Variants in MPDZ observed in about 807,000 individuals in gnomAD.
MPDZ encodes multiple PDZ domain protein.
MPDZ carries 234 observed loss-of-function variants against 239.1 expected under a neutral mutation model. That is an observed-to-expected ratio of 0.98 (90% CI 0.88 to 1.09). The LOEUF (loss-of-function observed/expected upper bound fraction) is 1.09. Among genes scored for constraint, MPDZ ranks in the 50% least tolerant of loss-of-function variants. The pLI, the probability that MPDZ is intolerant of heterozygous loss-of-function variation, is 0.00. For synonymous variants in MPDZ, 1,048 were observed against 881.3 expected, an observed-to-expected ratio of 1.19 and a Z score of -3.35; for missense variants, 3,175 against 2,510.0, an observed-to-expected ratio of 1.26 and a Z score of -5.66.
At chr9:13,201,814 T>C (rs951574065) in intron 12 of MPDZ, among the ~76,000 whole-genome samples, 1 of 152,262 alleles carries the variant, frequency 6.6e-6, no homozygotes, top group Non-Finnish European at 1.5e-5. Context: ...AAATAAAAGA[T>C]ACAGTGAAAC....
intron 3 of MPDZ, among the ~76,000 whole-genome samples, chr9:13,244,410 T>G (rs1368827645): frequency 1.3e-5 from 2 of 152,182 alleles, no homozygotes; most frequent in African/African-American, 4.8e-5. Flanking sequence ...TGACAGATCA[T>G]TGACACACAG....
intron 3 of MPDZ, among the ~76,000 whole-genome samples, chr9:13,230,589 T>C (rs1325524354): frequency 6.6e-6 from 1 of 152,008 alleles, no homozygotes; most frequent in Non-Finnish European, 1.5e-5. Flanking sequence ...AGATGGAAAA[T>C]GAATTAAAGG....
chr9:13,208,382 G>A (rs986306295), intron 10 of MPDZ, among the ~76,000 whole-genome samples: 7 of 151,840 alleles, frequency 4.6e-5, no homozygotes, highest in African/African-American at 1.2e-4. Flanking sequence ...AGGTTCAAAA[G>A]GCTGCAGTGA....
chr9:13,140,208 A>G, intron 27 of MPDZ, 59 bp from the exon 28 acceptor site: 1 of 1,533,718 alleles, frequency 6.5e-7, no homozygotes, highest in South Asian at 1.2e-5. Context: ...AACTTCAAGA[A>G]GAAGAAATAA....
In MPDZ at chr9:13,188,936, T is replaced by C. The variant is rs1954523196; in HGVS notation, c.2212A>G (p.Ile738Val). The C allele has an allele frequency of 6.2e-7, 1 of 1,613,450 alleles. No individual in the cohort carries two copies. The highest frequency in any genetic ancestry group is 1.7e-5 in the Admixed American group (1 of 59,978). Residue 738 changes from isoleucine to valine, a missense_variant, in exon 17 of 47, where the codon ATT becomes GTT. By Grantham distance (29) the Ile-to-Val change is conservative. Coordinates refer to ENST00000319217, the MANE Select transcript of MPDZ (RefSeq NM_001378778.1). ...IIIRSLVPGG[I>V]AEKDGRLLPG... is the part of the protein sequence containing the mutation. ...AGAAGTCGTCCATCCTTTTCAGCAA[T>C]GCCGCCAGGCACCAAAGAACGAATT...
chr9:13,218,139 C>A (rs1438671404), intron 8 of MPDZ, among the ~76,000 whole-genome samples: 1 of 151,814 alleles, frequency 6.6e-6, no homozygotes, highest in African/African-American at 2.4e-5. Flanking sequence ...TAAACAAACT[C>A]TGACAGTCCA....
intron 25 of MPDZ, among the ~76,000 whole-genome samples, chr9:13,149,712 G>T (rs1948899591): frequency 6.6e-6 from 1 of 152,036 alleles, no homozygotes; most frequent in Non-Finnish European, 1.5e-5. Context: ...GTAAATGAGT[G>T]AGTGACTTAT....
In MPDZ at chr9:13,175,782, T is replaced by C. The variant is rs1474689522; in HGVS notation, c.3025A>G (p.Ile1009Val). ...CTAGAATTGCCTTTTGCTATATTAA[T>C]AGTCCTTTCAAAAGATTCTTTAGAT... ...NVSKESFERTINIAKGNSSLG... is the reference protein window; with the variant it reads ...NVSKESFERTVNIAKGNSSLG... The change falls in exon 21 of 47, where the codon ATT (isoleucine) becomes GTT (valine). Residue 1009 changes from isoleucine to valine, a missense_variant. By Grantham distance (29) the Ile-to-Val change is conservative. Transcript: ENST00000319217. 5.1e-6 allele frequency: 8 copies of C among 1,572,288 alleles called. No homozygotes were observed. Among genetic ancestry groups the C allele is most frequent in the Non-Finnish European group, 4.3e-6 (5 of 1,157,208 alleles).
chr9:13,274,970 G>A (rs1973844822), intron 1 of MPDZ, among the ~76,000 whole-genome samples: 1 of 152,100 alleles, frequency 6.6e-6, no homozygotes, highest in South Asian at 2.1e-4. Flanking sequence ...GGCCACAGAG[G>A]CACAATTTCC....
chr9:13,168,847 T>C (rs910806483), intron 21 of MPDZ, among the ~76,000 whole-genome samples: 3 of 152,132 alleles, frequency 2.0e-5, no homozygotes, highest in Non-Finnish European at 1.5e-5. Context: ...ACCCCTTGAA[T>C]AGAAAGGTCT....
rs1200591851 is a variant in MPDZ at position 13,140,148 on chromosome 9, G to A, written c.3842C>T (p.Ala1281Val). 1 of 1,612,656 alleles carries A rather than the reference G, an allele frequency of 6.2e-7. No homozygotes were observed. Among genetic ancestry groups the A allele is most frequent in the East Asian group, 2.2e-5 (1 of 44,692 alleles). Residue 1281 changes from alanine (A) to valine (V), a missense_variant and splice_region_variant, in exon 28 of 47, where the codon GCA becomes GTA. Ala to Val is a moderately conservative substitution (Grantham distance 64). Coordinates refer to ENST00000319217, the MANE Select transcript of MPDZ (RefSeq NM_001378778.1). ...ADSLQINADKAPSQSESEPEK... is the reference protein window; with the variant it reads ...ADSLQINADKVPSQSESEPEK... ...TGGCTCTGACTCTGACTGACTGGGTGCCTGTGGGAACAAAAAGAATGCAGT... is the reference window on the plus strand; with the variant it reads ...TGGCTCTGACTCTGACTGACTGGGTACCTGTGGGAACAAAAAGAATGCAGT...
intron 12 of MPDZ, among the ~76,000 whole-genome samples, chr9:13,203,534 A>G (rs1222667542): frequency 3.3e-5 from 5 of 152,284 alleles, no homozygotes; most frequent in Admixed American, 1.3e-4. Flanking sequence ...ATCTTGCTGG[A>G]AAGTCAAATG....
intron 1 of MPDZ, among the ~76,000 whole-genome samples, chr9:13,264,360 T>A (rs565516627): frequency 3.9e-5 from 6 of 152,254 alleles, no homozygotes; most frequent in African/African-American, 1.4e-4. Context: ...TTATATATAT[T>A]TTATGATACT....
chr9:13,277,991 T>C (rs1266952951), intron 1 of MPDZ, among the ~76,000 whole-genome samples: 3 of 152,140 alleles, frequency 2.0e-5, no homozygotes, highest in Admixed American at 1.3e-4. Flanking sequence ...ATACCCAAAT[T>C]CAACATGTAA....
At chr9:13,277,436 C>A (rs1245777937) in intron 1 of MPDZ, among the ~76,000 whole-genome samples, 1 of 152,122 alleles carries the variant, frequency 6.6e-6, no homozygotes, top group Non-Finnish European at 1.5e-5. Flanking sequence ...AACGGAGAGT[C>A]AAGGGGTACC....
chr9:13,218,581 AAAC>A (rs1219596043), intron 8 of MPDZ, among the ~76,000 whole-genome samples: 18 of 152,028 alleles, frequency 1.2e-4, no homozygotes, highest in Non-Finnish European at 2.2e-4. Context: ...TCAATCCTAA[AAAC>A]AACAGAATCA....
rs932019604 is a variant in MPDZ at position 13,223,721 on chromosome 9, A to C, written c.394-11T>G. On this transcript the variant is annotated splice_polypyrimidine_tract_variant and intron_variant, in intron 4 of 46. Transcript: ENST00000319217. Reference sequence around the variant, plus strand: ...TTCTACATGGCGACCCTGTTTAGGAAACAAAGCAAGAAATAAAACTAAAAG... The same window carrying C: ...TTCTACATGGCGACCCTGTTTAGGACACAAAGCAAGAAATAAAACTAAAAG... 6 of 1,579,222 alleles carry C rather than the reference A, an allele frequency of 3.8e-6. No homozygotes were observed. The highest frequency in any genetic ancestry group is 1.9e-5 in the Admixed American group (1 of 53,882).
intron 10 of MPDZ, 75 bp from the exon 11 acceptor site, chr9:13,206,174 GT>G (rs1956970221): frequency 7.5e-7 from 1 of 1,336,098 alleles, no homozygotes; most frequent in Non-Finnish European, 1.0e-6. Context: ...CACAAAATGT[GT>G]ATGTATAGTT....
chr9:13,168,173 T>C (rs1353909253), intron 22 of MPDZ, among the ~76,000 whole-genome samples, 193 bp downstream of exon 22: 2 of 152,134 alleles, frequency 1.3e-5, no homozygotes, highest in African/African-American at 2.4e-5. Context: ...AAATTTTTAA[T>C]ACTGATATAG....
Sources: allele counts gnomAD v4.1 joint callset (sites outside exome capture counted in the v4.1 genomes callset), GRCh38; gene constraint gnomAD v4.1.1; transcripts MANE v1.5; gene names NCBI Gene and HGNC (gene_info 2026-07-23, HGNC 2026-07-21).